Variants in DNAH5 observed in about 807,000 individuals in gnomAD.
DNAH5 encodes the protein axonemal beta dynein heavy chain 5.
A neutral mutation model predicts 518.2 loss-of-function variants in DNAH5; 372 were observed. That is an observed-to-expected ratio of 0.72 (90% CI 0.66 to 0.78). The LOEUF (loss-of-function observed/expected upper bound fraction) is 0.78. Among genes scored for constraint, DNAH5 ranks in the 30% least tolerant of loss-of-function variants. The pLI is 0.00. For synonymous variants in DNAH5, 2,039 were observed against 2,025.9 expected, an observed-to-expected ratio of 1.01 and a Z score of -0.17; for missense variants, 5,523 against 5,687.0, an observed-to-expected ratio of 0.97 and a Z score of 0.93.
At chr5:13,840,716 G>A (rs1478217127) in intron 34 of DNAH5, among the ~76,000 whole-genome samples, 190 bp downstream of exon 34, 3 of 152,172 alleles carry the variant, frequency 2.0e-5, no homozygotes, top group Non-Finnish European at 4.4e-5. Context: ...TCTTAGCATA[G>A]ATCATCAGAA....
chr5:13,733,457 G>A (rs1016823663), intron 68 of DNAH5, among the ~76,000 whole-genome samples: 3 of 152,122 alleles, frequency 2.0e-5, no homozygotes, highest in Admixed American at 2.0e-4. Flanking sequence ...AGTCACTGAG[G>A]CCAGAAATTA....
At chr5:13,900,482 T>C in intron 14 of DNAH5, 70 bp from the exon 15 acceptor site, 2 of 1,260,734 alleles carry the variant, frequency 1.6e-6, no homozygotes, top group South Asian at 1.2e-5. Flanking sequence ...CTCAGCTATC[T>C]CTAGGAATAA....
chr5:13,814,427 G>C (rs1761159204), intron 43 of DNAH5, among the ~76,000 whole-genome samples, 178 bp downstream of exon 43: 1 of 152,180 alleles, frequency 6.6e-6, no homozygotes, highest in Non-Finnish European at 1.5e-5. Flanking sequence ...GAGTAATGAA[G>C]AAATATGTTA....
At chr5:13,945,907 C>A (rs775972846), upstream of DNAH5, among the ~76,000 whole-genome samples, 1 of 152,144 alleles carries the variant, frequency 6.6e-6, no homozygotes, top group Non-Finnish European at 1.5e-5. Flanking sequence ...CCAGGCCCTG[C>A]AGGATATTTG....
chr5:13,815,622 T>C (rs1761355305), intron 42 of DNAH5, among the ~76,000 whole-genome samples: 1 of 152,092 alleles, frequency 6.6e-6, no homozygotes, highest in South Asian at 2.1e-4. Context: ...CCACCCAGTC[T>C]CTAGCATCCC....
Position 13,761,320 on chromosome 5 carries a change from A to G in DNAH5, c.10281+1402T>C, listed in dbSNP as rs542052923. 2.0e-5 allele frequency among the ~76,000 whole-genome samples: 3 copies of G among 152,320 alleles called. No homozygotes were observed. The East Asian group carries it at 5.8e-4, about 29-fold the overall frequency. ...TCTTTAAGACACTATGTGGCCGGGC[A>G]CAGTGGCTCACGCCTGTAATCACAG... is the stretch of plus-strand genomic sequence containing the variant. On this transcript the variant is annotated intron_variant, in intron 60 of 78. Coordinates refer to ENST00000265104, the MANE Select transcript of DNAH5 (RefSeq NM_001369.3).
chr5:13,914,419 T>C (rs1418218448), intron 10 of DNAH5, 101 bp downstream of exon 10: 1 of 1,365,262 alleles, frequency 7.3e-7, no homozygotes. Flanking sequence ...CACTGTTCTT[T>C]TTATCAACCA....
rs1432827681 is a variant in DNAH5 at position 13,700,636 on chromosome 5, T to C, written c.13723+4A>G. 1 of 1,613,398 alleles carries C rather than the reference T, an allele frequency of 6.2e-7. No homozygotes were observed. Among genetic ancestry groups the C allele is most frequent in the Non-Finnish European group, 8.5e-7 (1 of 1,179,332 alleles). On this transcript the variant is annotated splice_donor_region_variant and intron_variant, in intron 78 of 78. Transcript: ENST00000265104. ...GCCCTTACTGAAGGTACAAGACAAC[T>C]TACTATTGTTTTCTGCATAAATCCT...
Position 13,762,710 on chromosome 5 carries a change from T to C in DNAH5, c.10281+12A>G, listed in dbSNP as rs376314375. ...CCAGCCACCTTCACCCAGGTCTGCC[T>C]AGCAGGCTTACCTTCAGAGGCAGTA... On this transcript the variant is annotated intron_variant, in intron 60 of 78. Coordinates refer to ENST00000265104, the MANE Select transcript of DNAH5 (RefSeq NM_001369.3). The C allele has an allele frequency of 1.1e-5, 18 of 1,613,616 alleles. No homozygotes were observed. The African/African-American group carries it at 2.1e-4, about 19-fold the overall frequency.
intron 51 of DNAH5, 55 bp from the exon 52 acceptor site, chr5:13,786,406 C>T: frequency 6.6e-7 from 1 of 1,514,204 alleles, no homozygotes; most frequent in South Asian, 1.1e-5. Context: ...CATTTTACTT[C>T]AATCTAAATT....
chr5:13,865,826 A>T lies in DNAH5; in HGVS notation c.4197T>A (p.Tyr1399Ter). ...EELFGLPATQ[Y>*]PQLLEIKKQL... Reference sequence around the variant, plus strand: ...GCTTCTTTATTTCAAGAAGCTGAGGATACTGTGTAGCTGGCAGGCCAAAAA... The same window carrying T: ...GCTTCTTTATTTCAAGAAGCTGAGGTTACTGTGTAGCTGGCAGGCCAAAAA... The change falls in exon 27 of 79, where the codon TAT (tyrosine) becomes TAA (stop). Residue 1399 changes from tyrosine to a stop codon, truncating the protein, a stop_gained. Coordinates refer to ENST00000265104, the MANE Select transcript of DNAH5 (RefSeq NM_001369.3). LOFTEE classifies it high-confidence loss of function. 6.2e-7 allele frequency: 1 copy of T among 1,613,836 alleles called. No individual in the cohort carries two copies. The highest frequency in any genetic ancestry group is 8.5e-7 in the Non-Finnish European group (1 of 1,179,784).
rs1164037667 is a variant in DNAH5, at chr5:13,902,060, AT to A, written c.1722del (p.Lys574AsnfsTer5). On this transcript the variant is annotated frameshift_variant, in exon 13 of 79. Transcript: ENST00000265104. LOFTEE classifies it high-confidence loss of function. The part of the protein sequence containing the change: ...NTNQALRMLK[K>X]FERLNIPNLG... ...ATTTCTTGAAAATTTTACCTTTCAA[AT>A]TTCTTCAACATTCTTAGAGCTTGAT... The A allele has an allele frequency of 6.3e-7, 1 of 1,598,734 alleles. No individual in the cohort carries two copies. The highest frequency in any genetic ancestry group is 8.5e-7 in the Non-Finnish European group (1 of 1,169,860).
intron 55 of DNAH5, among the ~76,000 whole-genome samples, chr5:13,773,463 A>G (rs957703313): frequency 2.0e-5 from 3 of 152,156 alleles, no homozygotes; most frequent in African/African-American, 7.2e-5. Flanking sequence ...GAGGGAAAAG[A>G]GGTATATCCA....
intron 43 of DNAH5, among the ~76,000 whole-genome samples, chr5:13,812,656 C>A (rs1269687386): frequency 6.6e-6 from 1 of 152,044 alleles, no homozygotes; most frequent in Admixed American, 6.6e-5. Context: ...TTAGTTGTTT[C>A]TTTTTATTTC....
chr5:13,997,784 C>A (rs551398229), intron 1 of DNAH5, among the ~76,000 whole-genome samples: 57 of 152,172 alleles, frequency 3.7e-4, no homozygotes, highest in South Asian at 1.2e-3. Context: ...ATTTGGGCTG[C>A]TGTAACAAAA....
At chr5:13,837,931 A>G (rs1261597915) in intron 35 of DNAH5, among the ~76,000 whole-genome samples, 1 of 151,778 alleles carries the variant, frequency 6.6e-6, no homozygotes, top group Non-Finnish European at 1.5e-5. Context: ...CCATCTCCTG[A>G]CCTTGTGTTC....
At chr5:13,814,994 T>C (rs1411460737) in intron 42 of DNAH5, 148 bp from the exon 43 acceptor site, 2 of 809,250 alleles carry the variant, frequency 2.5e-6, no homozygotes, top group Admixed American at 2.5e-5. Flanking sequence ...GATTACCTTG[T>C]TTTATTACAA....
At chr5:13,771,214 T>G in intron 55 of DNAH5, 1 of 519,220 alleles carries the variant, frequency 1.9e-6, no homozygotes, top group Admixed American at 3.2e-5. Context: ...ACACTCTTTG[T>G]TGCCTGGTGC....
At chr5:13,851,281 G>A (rs1404358208) in intron 30 of DNAH5, among the ~76,000 whole-genome samples, 1 of 152,128 alleles carries the variant, frequency 6.6e-6, no homozygotes, top group Non-Finnish European at 1.5e-5. Flanking sequence ...AAAATGCACA[G>A]ATTATCTTGA....
Sources: gnomAD v4.1 joint callset for allele counts (sites outside exome capture counted in the v4.1 genomes callset) on GRCh38, gnomAD v4.1.1 for gene constraint, MANE v1.5 for transcripts, NCBI Gene and HGNC (gene_info 2026-07-23, HGNC 2026-07-21) for gene names.